Variants in SHH observed in about 807,000 individuals in gnomAD.
SHH encodes the protein sonic hedgehog protein.
In SHH, 3 loss-of-function variants were observed where a neutral mutation model predicts 16.6. The observed-to-expected ratio is 0.18, with a 90% CI of 0.08 to 0.47. SHH has a LOEUF of 0.47. Ranked by LOEUF, SHH falls within the 20% of genes least tolerant of loss-of-function variation. SHH has a pLI of 0.98. For synonymous variants in SHH, 351 were observed against 316.2 expected (o/e 1.11, Z -1.17); for missense variants, 499 against 665.0 (o/e 0.75, Z 2.75).
chr7:155,810,606 C>T (rs1803502707), intron 1 of SHH, among the ~76,000 whole-genome samples: 1 of 152,230 alleles, frequency 6.6e-6, no homozygotes, highest in Non-Finnish European at 1.5e-5. Context: ...ATTTCCCATT[C>T]CTCTCCCTTC....
At chr7:155,804,248 G>T (rs571864790) in intron 2 of SHH, among the ~76,000 whole-genome samples, 2 of 151,664 alleles carry the variant, frequency 1.3e-5, no homozygotes, top group East Asian at 1.9e-4. Context: ...CCGCCTGCCC[G>T]CCTGCCCGCA....
In SHH at chr7:155,811,498, G is replaced by A. The variant is rs1396257998; in HGVS notation, c.300+325C>T. On this transcript the variant is annotated intron_variant, in intron 1 of 2. Transcript: ENST00000297261. The stretch of plus-strand genomic sequence containing the variant: ...TGGAAAGGGCCGACGCCCCCAAAGT[G>A]AAGGTCTCCCCAAGTTACAAGCCAG... Among the ~76,000 whole-genome samples, 5 of 152,224 alleles carry A rather than the reference G, an allele frequency of 3.3e-5. No homozygotes were observed. The South Asian group carries it at 8.3e-4, about 25-fold the overall frequency.
chr7:155,800,667 C>A lies in SHH; in HGVS notation c.*2233G>T, dbSNP rs1481807893. 2 of 470,054 alleles carry A rather than the reference C, an allele frequency of 4.3e-6. No individual in the cohort carries two copies. Among genetic ancestry groups the A allele is most frequent in the South Asian group, 3.1e-5 (2 of 64,568 alleles). 29.1% of individuals were successfully genotyped at this position (470,054 alleles called of 1,614,324 possible). ...ACACCAGCCTGGAACCTGCTGACCA[C>A]CTAGAACACCAAAGAAAAGTCTTTT... On this transcript the variant is annotated 3_prime_UTR_variant, in exon 3 of 3. Coordinates refer to ENST00000297261, the MANE Select transcript of SHH (RefSeq NM_000193.4).
intron 1 of SHH, chr7:155,806,806 C>T (rs1311560238): frequency 1.6e-6 from 1 of 614,288 alleles, no homozygotes; most frequent in East Asian, 2.8e-5. Context: ...GGCCTTTCTC[C>T]AGGTCCTGAA....
At position 155,811,889 on chromosome 7, in the gene SHH, G is replaced by C; in HGVS notation, c.234C>G (p.Pro78=). 1 of 1,614,140 alleles carries C rather than the reference G, an allele frequency of 6.2e-7. No homozygotes were observed. Among genetic ancestry groups the C allele is most frequent in the Non-Finnish European group, 8.5e-7 (1 of 1,180,022 alleles). Reference sequence around the variant, plus strand: ...TAAATATGATGTCGGGGTTGTAATTGGGGGTGAGTTCCTTAAATCGCTCGG... The same window carrying C: ...TAAATATGATGTCGGGGTTGTAATTCGGGGTGAGTTCCTTAAATCGCTCGG... ...RNSERFKELT[P]NYNPDIIFKD... The change falls in exon 1 of 3, where the codon CCC becomes CCG. Residue 78 remains proline (P), a synonymous_variant. Transcript: ENST00000297261.
chr7:155,804,253 C>CCCGCCTGT (rs1803288905), intron 2 of SHH, among the ~76,000 whole-genome samples: 1 of 151,698 alleles, frequency 6.6e-6, no homozygotes, highest in Admixed American at 6.6e-5. Context: ...TGCCCGCCTG[C>CCCGCCTGT]CCGCAGCACC....
Position 155,812,365 on chromosome 7 carries a change from G to A in SHH, c.-243C>T. On this transcript the variant is annotated 5_prime_UTR_variant, in exon 1 of 3. Transcript: ENST00000297261. Reference sequence around the variant, plus strand: ...ACAGGGGCTGGAATGGCAGGCTGCCGGCCGCTGATAACGGAACACATCGGA... The same window carrying A: ...ACAGGGGCTGGAATGGCAGGCTGCCAGCCGCTGATAACGGAACACATCGGA... The A allele has an allele frequency of 1.7e-6, 1 of 587,042 alleles. No individual in the cohort carries two copies. Among genetic ancestry groups the A allele is most frequent in the South Asian group, 2.0e-5 (1 of 50,612 alleles). 36.4% of individuals were successfully genotyped at this position (587,042 alleles called of 1,614,324 possible).
In SHH at chr7:155,803,077, C is replaced by T. The variant is rs1803237080; in HGVS notation, c.1212G>A (p.Gly404=). The change falls in exon 3 of 3, where the codon GGG becomes GGA. Residue 404 remains glycine (G), a synonymous_variant. Coordinates refer to ENST00000297261, the MANE Select transcript of SHH (RefSeq NM_000193.4). The part of the protein sequence containing the change: ...RTDRGGDSGG[G]DRGGGGGRVA... ...CTCTGCCGCCGCCGCCCCCGCGGTCCCCGCCGCCGCTGTCCCCGCCGCGGT... is the reference window on the plus strand; with the variant it reads ...CTCTGCCGCCGCCGCCCCCGCGGTCTCCGCCGCCGCTGTCCCCGCCGCGGT... The T allele has an allele frequency of 1.5e-6, 2 of 1,365,178 alleles. No homozygotes were observed. The highest frequency in any genetic ancestry group is 1.9e-6 in the Non-Finnish European group (2 of 1,057,992). 84.6% of individuals were successfully genotyped at this position (1,365,178 alleles called of 1,614,324 possible).
chr7:155,811,588 C>T (rs1375103897), intron 1 of SHH, among the ~76,000 whole-genome samples: 2 of 152,104 alleles, frequency 1.3e-5, no homozygotes, highest in Non-Finnish European at 2.9e-5. Flanking sequence ...TAATGAACCA[C>T]GTCTGTTACC....
chr7:155,811,430 G>C (rs972430640), intron 1 of SHH, among the ~76,000 whole-genome samples: 3 of 152,198 alleles, frequency 2.0e-5, no homozygotes, highest in Non-Finnish European at 4.4e-5. Flanking sequence ...CATGTTTGTG[G>C]GAGGGGGATT....
chr7:155,811,364 G>A (rs1189069272), intron 1 of SHH, among the ~76,000 whole-genome samples: 2 of 152,222 alleles, frequency 1.3e-5, no homozygotes, highest in African/African-American at 4.8e-5. Flanking sequence ...TGGGGGCTCT[G>A]AGCTCCAATG....
intron 1 of SHH, among the ~76,000 whole-genome samples, chr7:155,808,182 G>A (rs1796390871): frequency 6.6e-6 from 1 of 152,182 alleles, no homozygotes; most frequent in South Asian, 2.1e-4. Context: ...AAAGTCGGAA[G>A]GGCAGAGTTT....
In SHH at chr7:155,802,987, C is replaced by A; in HGVS notation, c.1302G>T (p.Trp434Cys). 6.4e-7 allele frequency: 1 copy of A among 1,551,534 alleles called. No individual in the cohort carries two copies. Among genetic ancestry groups the A allele is most frequent in the Non-Finnish European group, 8.7e-7 (1 of 1,149,680 alleles). The change falls in exon 3 of 3, where the codon TGG becomes TGT. Residue 434 changes from tryptophan to cysteine, a missense_variant. Transcript: ENST00000297261. The part of the protein sequence containing the change: ...PGAGATAGIH[W>C]YSQLLYQIGT... ...CTATTTGGTAGAGCAGCTGCGAGTA[C>A]CAGTGGATGCCCGCGGTGGCCCCCG...
Position 155,803,117 on chromosome 7 carries a change from G to A in SHH, c.1172C>T (p.Ala391Val). Reference sequence around the variant, plus strand: ...CCCGCCGCGGTCCGTGCGCGCGGGCGCCAGTGCAGCCAGGAGCGCGTGCGC... The same window carrying A: ...CCCGCCGCGGTCCGTGCGCGCGGGCACCAGTGCAGCCAGGAGCGCGTGCGC... Reference protein sequence around the residue: ...RLAHALLAALAPARTDRGGDS... With the variant: ...RLAHALLAALVPARTDRGGDS... Residue 391 changes from alanine (A) to valine (V), a missense_variant, in exon 3 of 3, where the codon GCG (alanine) becomes GTG (valine). Coordinates refer to ENST00000297261, the MANE Select transcript of SHH (RefSeq NM_000193.4). 1.5e-6 allele frequency: 2 copies of A among 1,351,796 alleles called. No individual in the cohort carries two copies. The highest frequency in any genetic ancestry group is 2.0e-5 in the South Asian group (1 of 48,880). The allele number at this position is 1,351,796 out of a possible 1,614,324, so 83.7% of individuals were successfully genotyped here. A position where few individuals can be genotyped will look rare whatever the true frequency, so the allele number is the denominator to read the frequency against.
rs1258661873 is a variant in SHH at position 155,803,157 on chromosome 7, C to T, written c.1132G>A (p.Ala378Thr). Residue 378 changes from alanine (A) to threonine (T), a missense_variant, in exon 3 of 3, where the codon GCG becomes ACG. By Grantham distance (58) the Ala-to-Thr change is moderately conservative. Transcript: ENST00000297261. ...AGCGCGTGCGCCAGGCGGAAGGGCG[C>T]GAAGGCCCGGTGCGCCCAGCTGTGC... ...EEHSWAHRAF[A>T]PFRLAHALLA... 1.4e-6 allele frequency: 2 copies of T among 1,438,782 alleles called. No homozygotes were observed. The highest frequency in any genetic ancestry group is 1.8e-6 in the Non-Finnish European group (2 of 1,093,412). The allele number at this position is 1,438,782 out of a possible 1,614,324, so 89.1% of individuals were successfully genotyped here.
chr7:155,809,171 C>T lies in SHH; in HGVS notation c.301-2614G>A, dbSNP rs992801514. On this transcript the variant is annotated intron_variant, in intron 1 of 2. Transcript: ENST00000297261. The surrounding 1 kb of genome is among the most constrained non-coding windows in gnomAD (Gnocchi z 6.1). The stretch of plus-strand genomic sequence containing the variant: ...CGCGGGGAGAGCGTGTCTGTCTGCG[C>T]TTTCCTCTCCCGGGTTAATATTAAC... 2 of 152,272 alleles carry T rather than the reference C, an allele frequency of 1.3e-5. No homozygotes were observed. Among genetic ancestry groups the T allele is most frequent in the Non-Finnish European group, 2.9e-5 (2 of 68,100 alleles). The allele number at this position is 152,272 out of a possible 1,614,324, so 9.4% of individuals were successfully genotyped here. A position where few individuals can be genotyped will look rare whatever the true frequency, so the allele number is the denominator to read the frequency against.
At chr7:155,811,618 C>A (rs1392554091) in intron 1 of SHH, among the ~76,000 whole-genome samples, 1 of 152,120 alleles carries the variant, frequency 6.6e-6, no homozygotes, top group Non-Finnish European at 1.5e-5. Context: ...CCCACCACAC[C>A]CTAAACTTCT....
chr7:155,810,043 C>T (rs13225891), intron 1 of SHH, among the ~76,000 whole-genome samples: 3 of 152,040 alleles, frequency 2.0e-5, no homozygotes, highest in Admixed American at 2.0e-4. Flanking sequence ...CCTGCGGTGC[C>T]TGCGCTCCCG....
In SHH at chr7:155,801,483, G is replaced by A. The variant is rs1263019533; in HGVS notation, c.*1417C>T. The stretch of plus-strand genomic sequence containing the variant: ...CACACAGGAGTCCTAAGAGAAGGTT[G>A]TTGGTGGCCATCCCCAGGCCACCTC... On this transcript the variant is annotated 3_prime_UTR_variant, in exon 3 of 3. Transcript: ENST00000297261. The A allele has an allele frequency of 6.6e-6, 1 of 152,286 alleles. No individual in the cohort carries two copies. Among genetic ancestry groups the A allele is most frequent in the African/African-American group, 2.4e-5 (1 of 41,454 alleles). The allele number at this position is 152,286 out of a possible 1,614,324, so 9.4% of individuals were successfully genotyped here.
Sources: allele counts gnomAD v4.1 joint callset (sites outside exome capture counted in the v4.1 genomes callset), GRCh38; gene constraint gnomAD v4.1.1; non-coding constraint Gnocchi (gnomAD v3.1); transcripts MANE v1.5; gene names NCBI Gene and HGNC (gene_info 2026-07-23, HGNC 2026-07-21).